PPARGC1A: variants seen among roughly 807,000 people sequenced by gnomAD.
PPARGC1A encodes the protein PPARG coactivator 1 alpha.
PPARGC1A carries 25 observed loss-of-function variants against 88.7 expected under a neutral mutation model. The ratio of observed to expected loss-of-function variants is 0.28; its 90% CI spans 0.21 to 0.39. PPARGC1A has a LOEUF of 0.39. Ranked by LOEUF, PPARGC1A falls within the 10% of genes least tolerant of loss-of-function variation. PPARGC1A has a pLI of 1.00. For synonymous variants in PPARGC1A, 363 were observed against 355.6 expected, an observed-to-expected ratio of 1.02 and a Z score of -0.24; for missense variants, 880 against 968.7, an observed-to-expected ratio of 0.91 and a Z score of 1.22.
chr4:24,466,948 GA>G, the PPARGC1A span, among the ~76,000 whole-genome samples: 16 of 113,664 alleles, frequency 1.4e-4, no homozygotes, highest in African/African-American at 4.1e-4. Context: ...GAAAGAAAAA[GA>G]AAAAAAGAAA....
chr4:24,122,416 CATATAT>C, the PPARGC1A span, among the ~76,000 whole-genome samples: 56 of 128,110 alleles, frequency 4.4e-4, no homozygotes, highest in South Asian at 2.2e-3. Context: ...TGTGTGTGTG[CATATAT>C]ATATATATAT....
At chr4:24,095,611 G>A in the PPARGC1A span, among the ~76,000 whole-genome samples, 1 of 152,152 alleles carries the variant, frequency 6.6e-6, no homozygotes, top group Non-Finnish European at 1.5e-5. Context: ...TGGATTTCCA[G>A]CAACCACCAG....
chr4:24,227,955 C>A, the PPARGC1A span, among the ~76,000 whole-genome samples: 1 of 152,158 alleles, frequency 6.6e-6, no homozygotes, highest in African/African-American at 2.4e-5. Context: ...CCCTGGGAAA[C>A]AGCTGTCTTT....
intron 2 of PPARGC1A, among the ~76,000 whole-genome samples, chr4:23,853,996 T>C (rs1729757832): frequency 1.3e-5 from 2 of 152,174 alleles, no homozygotes. Flanking sequence ...CAGGTTGTTG[T>C]AAAAATTAAA....
At chr4:24,331,586 T>C in the PPARGC1A span, among the ~76,000 whole-genome samples, 1 of 152,190 alleles carries the variant, frequency 6.6e-6, no homozygotes, top group South Asian at 2.1e-4. Context: ...GTTAAATAAA[T>C]GAATGCATAT....
chr4:24,406,943 A>G, the PPARGC1A span, among the ~76,000 whole-genome samples: 4 of 152,228 alleles, frequency 2.6e-5, no homozygotes, highest in Non-Finnish European at 4.4e-5. Flanking sequence ...CTCAGGGATC[A>G]GTATCCTCTT....
At chr4:23,842,766 C>T (rs1201856629) in intron 2 of PPARGC1A, among the ~76,000 whole-genome samples, 1 of 152,074 alleles carries the variant, frequency 6.6e-6, no homozygotes, top group African/African-American at 2.4e-5. Flanking sequence ...GCCTAGGATT[C>T]TGTAATTTTG....
chr4:24,149,890 A>T, the PPARGC1A span, among the ~76,000 whole-genome samples: 2 of 152,344 alleles, frequency 1.3e-5, no homozygotes, highest in South Asian at 4.1e-4. Flanking sequence ...GATTTACAGC[A>T]AACCTTACGG....
chr4:24,027,457 A>G, the PPARGC1A span, among the ~76,000 whole-genome samples: 62 of 152,272 alleles, frequency 4.1e-4, no homozygotes, highest in Non-Finnish European at 7.4e-4. Context: ...TAAATCATAT[A>G]AACTACTTGG....
the PPARGC1A span, among the ~76,000 whole-genome samples, chr4:24,079,544 C>T: frequency 1.3e-5 from 2 of 151,886 alleles, no homozygotes; most frequent in African/African-American, 4.8e-5. Flanking sequence ...ACATTTTTTC[C>T]AATTTTTTTA....
chr4:24,070,844 T>C, the PPARGC1A span, among the ~76,000 whole-genome samples: 1 of 152,184 alleles, frequency 6.6e-6, no homozygotes, highest in Non-Finnish European at 1.5e-5. Flanking sequence ...TGAATAAAGT[T>C]TTATTGGCCC....
At chr4:24,367,204 A>G in the PPARGC1A span, among the ~76,000 whole-genome samples, 1 of 152,204 alleles carries the variant, frequency 6.6e-6, no homozygotes, top group Non-Finnish European at 1.5e-5. Flanking sequence ...CATCCCAGGA[A>G]GAAATGGGGG....
At chr4:24,356,907 G>A in the PPARGC1A span, among the ~76,000 whole-genome samples, 2 of 152,152 alleles carry the variant, frequency 1.3e-5, no homozygotes, top group South Asian at 2.1e-4. Flanking sequence ...CATACCCTGG[G>A]GTTAGCATAC....
the PPARGC1A span, among the ~76,000 whole-genome samples, chr4:24,376,025 G>GA: frequency 0.62 from 92,778 of 148,910 alleles, 29,132 homozygotes; most frequent in East Asian, 0.77. Flanking sequence ...ATTGCACCAA[G>GA]AAAAAAAAAA....
chr4:24,426,427 T>C, the PPARGC1A span, among the ~76,000 whole-genome samples: 1 of 152,188 alleles, frequency 6.6e-6, no homozygotes, highest in Non-Finnish European at 1.5e-5. Context: ...ACAGCAGCGA[T>C]ATACCAGCTT....
At chr4:24,015,738 A>G in the PPARGC1A span, among the ~76,000 whole-genome samples, 8 of 152,202 alleles carry the variant, frequency 5.3e-5, no homozygotes, top group African/African-American at 1.9e-4. Context: ...GTTAAGTTGC[A>G]TCTTACAGAC....
chr4:24,272,898 C>T, the PPARGC1A span, among the ~76,000 whole-genome samples: 6 of 152,184 alleles, frequency 3.9e-5, no homozygotes, highest in Non-Finnish European at 5.9e-5. Flanking sequence ...TGTGATCATG[C>T]AGACCCAGGT....
chr4:23,893,608 G>A (rs141386912), upstream of PPARGC1A, among the ~76,000 whole-genome samples: 44 of 152,192 alleles, frequency 2.9e-4, no homozygotes, highest in Middle Eastern at 3.4e-3. Flanking sequence ...CCCAAATAAC[G>A]TAAGCAAATT....
chr4:24,052,854 ATTTTTTT>A, the PPARGC1A span, among the ~76,000 whole-genome samples: 1 of 65,790 alleles, frequency 1.5e-5, no homozygotes, highest in Admixed American at 2.0e-4. Flanking sequence ...GCGTACGCAG[ATTTTTTT>A]TTTTTTTTTT....
Sources: gnomAD v4.1 joint callset for allele counts (sites outside exome capture counted in the v4.1 genomes callset) on GRCh38, gnomAD v4.1.1 for gene constraint, MANE v1.5 for transcripts, NCBI Gene and HGNC (gene_info 2026-07-23, HGNC 2026-07-21) for gene names.